SYCP2L: variants seen among roughly 807,000 people sequenced by gnomAD.
SYCP2L encodes synaptonemal complex protein 2 like, also known as synaptonemal complex protein 2-like.
A neutral mutation model predicts 125.8 loss-of-function variants in SYCP2L; 98 were observed. The observed-to-expected ratio is 0.78, with a 90% CI of 0.66 to 0.92. SYCP2L has a LOEUF of 0.92. SYCP2L is among the 40% of genes least tolerant of loss of function. The pLI, the probability that SYCP2L is intolerant of heterozygous loss-of-function variation, is 0.00. For missense variants in SYCP2L, 842 were observed against 936.4 expected (o/e 0.90, Z 1.32); for synonymous variants, 317 against 325.4 (o/e 0.97, Z 0.28).
At position 10,907,547 on chromosome 6, in the gene SYCP2L, G is replaced by T; in HGVS notation, c.682G>T (p.Asp228Tyr). Reference protein sequence around the residue: ...ARTLLTVGDYDQQVAISEALC... With the variant: ...ARTLLTVGDYYQQVAISEALC... ...ACTATGTTTTTAATCTCTAGATTAT[G>T]ACCAGCAGGTTGCTATTTCTGAAGC... Residue 228 changes from aspartate (D) to tyrosine (Y), a missense_variant, in exon 10 of 30, where the codon GAC becomes TAC. Transcript: ENST00000283141. The T allele has an allele frequency of 1.9e-6, 3 of 1,611,110 alleles. No homozygotes were observed. In the South Asian group the frequency reaches 3.3e-5, roughly 18 times the overall value.
At chr6:10,911,476 A>G (rs1178716728) in intron 12 of SYCP2L, among the ~76,000 whole-genome samples, 3 of 152,190 alleles carry the variant, frequency 2.0e-5, no homozygotes, top group African/African-American at 7.2e-5. Flanking sequence ...GAATGTCCTC[A>G]TTCATGATTT....
chr6:10,898,121 G>A lies in SYCP2L; in HGVS notation c.441+6G>A. 6.3e-7 allele frequency: 1 copy of A among 1,588,682 alleles called. No individual in the cohort carries two copies. The highest frequency in any genetic ancestry group is 8.6e-7 in the Non-Finnish European group (1 of 1,156,914). ...ATTTCTTTGACACTGCATTGGTAAG[G>A]ATGGGATGGATGCTTCACTGAGCAG... On this transcript the variant is annotated splice_donor_region_variant and intron_variant, in intron 5 of 29. Transcript: ENST00000283141.
At chr6:10,901,445 T>C (rs1456107606) in intron 6 of SYCP2L, among the ~76,000 whole-genome samples, 1 of 152,202 alleles carries the variant, frequency 6.6e-6, no homozygotes, top group Non-Finnish European at 1.5e-5. Context: ...ACATGGTTCT[T>C]GGTGACTTAT....
At chr6:10,961,241 T>C (rs760579706) in intron 26 of SYCP2L, 64 bp from the exon 27 acceptor site, 167 of 1,292,904 alleles carry the variant, frequency 1.3e-4, no homozygotes, top group Non-Finnish European at 1.7e-4. Context: ...AGATGACTTA[T>C]TAAGAAAGTC....
At chr6:10,924,954 C>A (rs7756753) in intron 15 of SYCP2L, among the ~76,000 whole-genome samples, 1 of 152,146 alleles carries the variant, frequency 6.6e-6, no homozygotes, top group African/African-American at 2.4e-5. Context: ...CCTGAGGACA[C>A]TGGCATTTCT....
intron 21 of SYCP2L, among the ~76,000 whole-genome samples, chr6:10,937,781 A>T (rs1398292010): frequency 1.3e-5 from 2 of 152,206 alleles, no homozygotes; most frequent in Non-Finnish European, 2.9e-5. Context: ...CATTACAACA[A>T]ACAAATTATA....
Position 10,894,285 on chromosome 6 carries a change from T to C in SYCP2L, c.336+81T>C, listed in dbSNP as rs968125155. On this transcript the variant is annotated intron_variant, in intron 4 of 29. Transcript: ENST00000283141. ...GATTTAGTTGTCTAGTTAAGTTTGG[T>C]ATTTTCTGTTCCTTTGAAATCCAAT... is the stretch of plus-strand genomic sequence containing the variant. The C allele has an allele frequency of 2.7e-6, 4 of 1,500,858 alleles. No homozygotes were observed. In the Admixed American group the frequency reaches 6.5e-5, roughly 24 times the overall value. The allele number at this position is 1,500,858 out of a possible 1,614,324, so 93.0% of individuals were successfully genotyped here.
At chr6:10,942,586 A>G (rs1781243649) in intron 22 of SYCP2L, 57 bp downstream of exon 22, 1 of 1,576,258 alleles carries the variant, frequency 6.3e-7, no homozygotes, top group African/African-American at 1.4e-5. Flanking sequence ...TCATATTTGC[A>G]TAACACATTG....
chr6:10,945,509 C>G (rs1581838952), intron 23 of SYCP2L, among the ~76,000 whole-genome samples: 2 of 152,240 alleles, frequency 1.3e-5, no homozygotes, highest in South Asian at 2.1e-4. Context: ...GTGGCTCACA[C>G]CTGTAATCCC....
intron 14 of SYCP2L, among the ~76,000 whole-genome samples, chr6:10,921,769 G>A (rs1341564396): frequency 4.6e-5 from 7 of 151,492 alleles, no homozygotes; most frequent in Non-Finnish European, 1.0e-4. Flanking sequence ...GCAGTGGCGC[G>A]ATCTTGGCTC....
chr6:10,928,483 T>C, intron 18 of SYCP2L, 33 bp downstream of exon 18: 2 of 1,559,806 alleles, frequency 1.3e-6, no homozygotes, highest in Non-Finnish European at 1.7e-6. Flanking sequence ...AAGTTTCTTA[T>C]CTGTCTCCAG....
intron 18 of SYCP2L, 91 bp downstream of exon 18, chr6:10,928,541 T>C: frequency 7.0e-7 from 1 of 1,424,912 alleles, no homozygotes; most frequent in Non-Finnish European, 9.2e-7. Context: ...ATGGACCATT[T>C]TCTCCTGGCC....
chr6:10,924,603 T>C lies in SYCP2L; in HGVS notation c.1180T>C (p.Ser394Pro). The change falls in exon 15 of 30, where the codon TCA (serine) becomes CCA (proline). Residue 394 changes from serine to proline, a missense_variant. By Grantham distance (74) the Ser-to-Pro change is moderately conservative. Coordinates refer to ENST00000283141, the MANE Select transcript of SYCP2L (RefSeq NM_001040274.3). The stretch of plus-strand genomic sequence containing the variant: ...CCATTTTGATTTGCAGTTCAACATA[T>C]CACAAGTTTCCATTCAAGCTTTAGG... ...EIHFDLQFNI[S>P]QVSIQALGED... The C allele has an allele frequency of 6.3e-7, 1 of 1,596,942 alleles. No homozygotes were observed. The highest frequency in any genetic ancestry group is 8.5e-7 in the Non-Finnish European group (1 of 1,175,336).
intron 8 of SYCP2L, among the ~76,000 whole-genome samples, chr6:10,905,612 G>T (rs1780475497): frequency 6.6e-6 from 1 of 152,144 alleles, no homozygotes; most frequent in Non-Finnish European, 1.5e-5. Context: ...TTTAAAATCA[G>T]ATCAAGCAGC....
At chr6:10,929,950 AAAAAG>A (rs1160901759) in intron 18 of SYCP2L, 1 of 154,030 alleles carries the variant, frequency 6.5e-6, no homozygotes, top group Non-Finnish European at 1.4e-5. Flanking sequence ...AAAAAAAAGA[AAAAAG>A]AAAAAGAAAT....
At chr6:10,905,773 G>A (rs1302299678) in intron 8 of SYCP2L, among the ~76,000 whole-genome samples, 2 of 152,120 alleles carry the variant, frequency 1.3e-5, no homozygotes, top group Admixed American at 1.3e-4. Flanking sequence ...CACTTTACAA[G>A]AGGGAAAACA....
intron 14 of SYCP2L, among the ~76,000 whole-genome samples, chr6:10,918,354 C>A (rs1261329828): frequency 6.6e-6 from 1 of 151,876 alleles, no homozygotes; most frequent in Non-Finnish European, 1.5e-5. Context: ...GATTATTCCC[C>A]CAAATATATT....
intron 14 of SYCP2L, chr6:10,922,847 ATTAAT>A (rs2113342413): frequency 6.6e-6 from 1 of 152,270 alleles, no homozygotes; most frequent in African/African-American, 2.4e-5. Flanking sequence ...AAAAAAGTAG[ATTAAT>A]TTGAGTAGAT....
chr6:10,896,517 A>G (rs989473484), intron 4 of SYCP2L, among the ~76,000 whole-genome samples: 3 of 152,192 alleles, frequency 2.0e-5, no homozygotes, highest in Admixed American at 6.5e-5. Flanking sequence ...AATTTTGAGT[A>G]TGAACATAGG....
Sources: allele counts gnomAD v4.1 joint callset (sites outside exome capture counted in the v4.1 genomes callset), GRCh38; gene constraint gnomAD v4.1.1; transcripts MANE v1.5; gene names NCBI Gene and HGNC (gene_info 2026-07-23, HGNC 2026-07-21).